The following NEUROD1 variants were observed in gnomAD, a reference collection of about 807,000 sequenced individuals.
NEUROD1 encodes neurogenic differentiation factor 1.
In NEUROD1, 9 loss-of-function variants were observed where a neutral mutation model predicts 21.8. The ratio of observed to expected loss-of-function variants is 0.41; its 90% CI spans 0.25 to 0.72. The LOEUF is 0.72. Among genes scored for constraint, NEUROD1 ranks in the 30% least tolerant of loss-of-function variants. The pLI is 0.31. For synonymous variants in NEUROD1, 199 were observed against 186.2 expected (o/e 1.07, Z -0.56); for missense variants, 434 against 468.8 (o/e 0.93, Z 0.69).
chr2:181,677,748 AC>A lies in NEUROD1; in HGVS notation c.*41del. 1 of 1,613,892 alleles carries A rather than the reference AC, an allele frequency of 6.2e-7. No individual in the cohort carries two copies. Among genetic ancestry groups the A allele is most frequent in the Non-Finnish European group, 8.5e-7 (1 of 1,180,036 alleles). On this transcript the variant is annotated 3_prime_UTR_variant, in exon 2 of 2. Transcript: ENST00000295108. Reference sequence around the variant, plus strand: ...TGTAAACACGACAGTCACTGTAAGCACAGTGGGTTCGTTTCCCGGAAATGGT... The same window carrying A: ...TGTAAACACGACAGTCACTGTAAGCAAGTGGGTTCGTTTCCCGGAAATGGT...
Position 181,678,968 on chromosome 2 carries a change from A to G in NEUROD1, c.-11-97T>C. ...TTCAGCTTCCACTCCCTAAACCTGT[A>G]CAAATGCTTGCGAAAAGTACCTGCC... On this transcript the variant is annotated intron_variant, in intron 1 of 1. Transcript: ENST00000295108. The surrounding 1 kb of genome is among the most constrained non-coding windows in gnomAD (Gnocchi z 5.5). 1 of 1,455,484 alleles carries G rather than the reference A, an allele frequency of 6.9e-7. No individual in the cohort carries two copies. The allele number at this position is 1,455,484 out of a possible 1,614,324, so 90.2% of individuals were successfully genotyped here.
chr2:181,669,955 C>T (rs1688473170), downstream of NEUROD1, among the ~76,000 whole-genome samples: 2 of 152,092 alleles, frequency 1.3e-5, no homozygotes, highest in Non-Finnish European at 2.9e-5. Flanking sequence ...GGCTCAAGGT[C>T]CTATAAAACC....
At chr2:181,672,661 A>T (rs1332574225), downstream of NEUROD1, among the ~76,000 whole-genome samples, 1 of 152,236 alleles carries the variant, frequency 6.6e-6, no homozygotes, top group East Asian at 1.9e-4. Flanking sequence ...GGGAATCAGT[A>T]AAAGCTTCTT....
chr2:181,668,378 C>T (rs1053963468), downstream of NEUROD1, among the ~76,000 whole-genome samples: 1 of 152,062 alleles, frequency 6.6e-6, no homozygotes, highest in South Asian at 2.1e-4. Flanking sequence ...GGGCTAATTT[C>T]TTGCTATCAG....
At chr2:181,673,863 C>G (rs1366905245), downstream of NEUROD1, among the ~76,000 whole-genome samples, 3 of 152,038 alleles carry the variant, frequency 2.0e-5, no homozygotes, top group African/African-American at 7.2e-5. Flanking sequence ...AATGTAAGGA[C>G]TTTCAAATGT....
chr2:181,668,507 A>C (rs1688451682), downstream of NEUROD1, among the ~76,000 whole-genome samples: 1 of 152,142 alleles, frequency 6.6e-6, no homozygotes, highest in Non-Finnish European at 1.5e-5. Flanking sequence ...AATTAGCCTT[A>C]CAATATTCTG....
exon 2 of NEUROD1, among the ~76,000 whole-genome samples, chr2:181,671,067 C>CATAT (rs113594124): frequency 5.8e-4 from 85 of 146,150 alleles, no homozygotes; most frequent in Non-Finnish European, 6.8e-4. Flanking sequence ...CATATATACA[C>CATAT]ATATATATAT....
At position 181,678,581 on chromosome 2, in the gene NEUROD1, C is replaced by G. The variant is rs1397288344; in HGVS notation, c.280G>C (p.Ala94Pro). Residue 94 changes from alanine to proline, a missense_variant, in exon 2 of 2, where the codon GCT becomes CCT. Physicochemically the swap from Ala to Pro is conservative, Grantham distance 27. Coordinates refer to ENST00000295108, the MANE Select transcript of NEUROD1 (RefSeq NM_002500.5). The surrounding 1 kb of genome is among the most constrained non-coding windows in gnomAD (Gnocchi z 5.5). ...RGPKKKKMTK[A>P]RLERFKLRRM... is the part of the protein sequence containing the mutation. Reference sequence around the variant, plus strand: ...CTCAATTTAAAACGCTCCAGGCGAGCCTTAGTCATCTTCTTCTTTTTGGGG... The same window carrying G: ...CTCAATTTAAAACGCTCCAGGCGAGGCTTAGTCATCTTCTTCTTTTTGGGG... 1.2e-6 allele frequency: 2 copies of G among 1,613,942 alleles called. No individual in the cohort carries two copies. The highest frequency in any genetic ancestry group is 1.7e-6 in the Non-Finnish European group (2 of 1,180,022).
chr2:181,673,964 AAC>A (rs566071438), downstream of NEUROD1, among the ~76,000 whole-genome samples: 1 of 152,254 alleles, frequency 6.6e-6, no homozygotes, highest in African/African-American at 2.4e-5. Flanking sequence ...AAATTAGTAG[AAC>A]ACTCTTGATA....
rs1688605329 is a variant in NEUROD1 at position 181,677,688 on chromosome 2, C to A, written c.*102G>T. 33 of 1,601,522 alleles carry A rather than the reference C, an allele frequency of 2.1e-5. No homozygotes were observed. The South Asian group carries it at 3.2e-4, about 16-fold the overall frequency. On this transcript the variant is annotated 3_prime_UTR_variant, in exon 2 of 2. Coordinates refer to ENST00000295108, the MANE Select transcript of NEUROD1 (RefSeq NM_002500.5). ...TATCACTTGAAGCTTGGAGTATTTG[C>A]ACTTTGCAGCAGTAGTACCCAAAGG... is the stretch of plus-strand genomic sequence containing the variant.
downstream of NEUROD1, among the ~76,000 whole-genome samples, chr2:181,672,235 C>G (rs75310913): frequency 6.6e-6 from 1 of 152,080 alleles, no homozygotes; most frequent in South Asian, 2.1e-4. Context: ...GAGTTTGGTG[C>G]CATGCAATAT....
chr2:181,680,205 A>G (rs945091036), intron 1 of NEUROD1, among the ~76,000 whole-genome samples: 1 of 152,180 alleles, frequency 6.6e-6, no homozygotes, highest in African/African-American at 2.4e-5. Context: ...TATGCTATCC[A>G]CAAAAGAAAC....
At position 181,677,104 on chromosome 2, in the gene NEUROD1, A is replaced by G. The variant is rs1023542195; in HGVS notation, c.*686T>C. 2 of 121,728 alleles carry G rather than the reference A, an allele frequency of 1.6e-5. No individual in the cohort carries two copies. Among genetic ancestry groups the G allele is most frequent in the African/African-American group, 6.0e-5 (2 of 33,504 alleles). The allele number at this position is 121,728 out of a possible 1,614,324, so 7.5% of individuals were successfully genotyped here. ...CTTTAAAGTGAAATGAATTGCTCAA[A>G]TTGTGCAATTTTTTTTTTTTTTTTT... On this transcript the variant is annotated 3_prime_UTR_variant, in exon 2 of 2. Transcript: ENST00000295108.
downstream of NEUROD1, among the ~76,000 whole-genome samples, chr2:181,675,615 A>T (rs915715090): frequency 6.6e-6 from 1 of 152,082 alleles, no homozygotes; most frequent in Non-Finnish European, 1.5e-5. Context: ...CATGACTGTC[A>T]GTCAATACAT....
downstream of NEUROD1, among the ~76,000 whole-genome samples, chr2:181,669,630 ATTT>A (rs931224998): frequency 1.3e-5 from 2 of 152,154 alleles, no homozygotes; most frequent in Admixed American, 1.3e-4. Context: ...TGGTTTTTAA[ATTT>A]TTTCAGTGGC....
downstream of NEUROD1, among the ~76,000 whole-genome samples, chr2:181,674,142 A>T (rs1465500119): frequency 6.6e-6 from 1 of 152,176 alleles, no homozygotes; most frequent in Non-Finnish European, 1.5e-5. Context: ...TTTCATCTTT[A>T]TGAAATTTCC....
downstream of NEUROD1, among the ~76,000 whole-genome samples, chr2:181,672,372 A>G (rs955818350): frequency 6.6e-6 from 1 of 152,230 alleles, no homozygotes. Flanking sequence ...TGGTTAAGGC[A>G]ACAGGCTTTA....
chr2:181,675,741 C>T (rs1688559973), downstream of NEUROD1, among the ~76,000 whole-genome samples: 1 of 151,928 alleles, frequency 6.6e-6, no homozygotes, highest in Non-Finnish European at 1.5e-5. Context: ...AGAATAGTGC[C>T]CCAAAGGGTG....
In NEUROD1 at chr2:181,677,971, T is replaced by C; in HGVS notation, c.890A>G (p.Tyr297Cys). Residue 297 changes from tyrosine (Y) to cysteine (C), a missense_variant, in exon 2 of 2, where the codon TAT becomes TGT. Tyr to Cys is a radical substitution (Grantham distance 194). Coordinates refer to ENST00000295108, the MANE Select transcript of NEUROD1 (RefSeq NM_002500.5). The part of the protein sequence containing the change: ...HEPSAEFEKN[Y>C]AFTMHYPAAT... ...TGCAGGATAGTGCATGGTAAAGGCA[T>C]AATTTTTCTCAAACTCGGCGGACGG... 2 of 1,614,184 alleles carry C rather than the reference T, an allele frequency of 1.2e-6. No individual in the cohort carries two copies. The highest frequency in any genetic ancestry group is 1.7e-6 in the Non-Finnish European group (2 of 1,180,036).
Sources: gnomAD v4.1 joint callset for allele counts (sites outside exome capture counted in the v4.1 genomes callset) on GRCh38, gnomAD v4.1.1 for gene constraint, Gnocchi (gnomAD v3.1) non-coding constraint, MANE v1.5 for transcripts, NCBI Gene and HGNC (gene_info 2026-07-23, HGNC 2026-07-21) for gene names.